Variants in SMG1 observed in about 807,000 individuals in gnomAD.
SMG1 encodes SMG1 nonsense mediated mRNA decay associated PI3K related kinase.
A neutral mutation model predicts 419.9 loss-of-function variants in SMG1; 22 were observed. That is an observed-to-expected ratio of 0.05 (90% CI 0.04 to 0.07). The LOEUF (loss-of-function observed/expected upper bound fraction) is 0.07. Ranked by LOEUF, SMG1 falls within the 10% of genes least tolerant of loss-of-function variation. The pLI, the probability that SMG1 is intolerant of heterozygous loss-of-function variation, is 1.00. For synonymous variants in SMG1, 1,538 were observed against 1,553.5 expected, an observed-to-expected ratio of 0.99 and a Z score of 0.23; for missense variants, 3,185 against 4,342.0, an observed-to-expected ratio of 0.73 and a Z score of 7.49.
At chr16:18,924,861 T>C (rs1484772001) in intron 1 of SMG1, 1 of 152,224 alleles carries the variant, frequency 6.6e-6, no homozygotes, top group Non-Finnish European at 1.5e-5. Context: ...TCTAACATCT[T>C]AGCAAATTAT....
intron 54 of SMG1, among the ~76,000 whole-genome samples, chr16:18,828,721 A>T (rs1350445501): frequency 6.6e-6 from 1 of 152,334 alleles, no homozygotes; most frequent in East Asian, 1.9e-4. Context: ...TATTTATGCC[A>T]GGCATGGTGG....
At chr16:18,874,843 G>T (rs1030395871) in intron 13 of SMG1, among the ~76,000 whole-genome samples, 1 of 106,294 alleles carries the variant, frequency 9.4e-6, no homozygotes, top group South Asian at 3.5e-4. Context: ...TCCAGCCCAG[G>T]CGACAACAGC....
At chr16:18,896,608 T>A (rs1206636157) in intron 2 of SMG1, among the ~76,000 whole-genome samples, 185 bp downstream of exon 2, 2 of 152,134 alleles carry the variant, frequency 1.3e-5, no homozygotes, top group Admixed American at 6.5e-5. Flanking sequence ...ATGGAAAAAA[T>A]TTTAAATTTT....
At chr16:18,843,646 T>C (rs1450791208) in intron 39 of SMG1, among the ~76,000 whole-genome samples, 1 of 152,078 alleles carries the variant, frequency 6.6e-6, no homozygotes, top group Non-Finnish European at 1.5e-5. Flanking sequence ...CAAAAATTGA[T>C]CAATTATTTT....
chr16:18,829,255 G>C lies in SMG1; in HGVS notation c.9603+31C>G. ...CCATTTTTCAAGTTTCCTACCTTGA[G>C]GAAAAACACATTATAAACAAAAACA... On this transcript the variant is annotated intron_variant, in intron 54 of 62. Transcript: ENST00000446231. The C allele has an allele frequency of 1.9e-6, 3 of 1,555,070 alleles. No homozygotes were observed. In the South Asian group the frequency reaches 3.5e-5, roughly 18 times the overall value.
chr16:18,817,246 T>C (rs777277926), intron 57 of SMG1, 45 bp downstream of exon 57: 15 of 1,515,024 alleles, frequency 9.9e-6, no homozygotes, highest in Admixed American at 2.1e-5. Flanking sequence ...TTTAATAGTA[T>C]AACACTAGCC....
At chr16:18,815,979 T>G in intron 58 of SMG1, 1 of 456,270 alleles carries the variant, frequency 2.2e-6, no homozygotes, top group East Asian at 4.2e-5. Context: ...TGTATGGGTT[T>G]GTTGGTATAG....
chr16:18,847,438 T>C lies in SMG1; in HGVS notation c.5996+15A>G, dbSNP rs2034330740. On this transcript the variant is annotated intron_variant, in intron 38 of 62. Coordinates refer to ENST00000446231, the MANE Select transcript of SMG1 (RefSeq NM_015092.5). ...GGCAGCTTCACTGTCTCAGGACAAG[T>C]GTATGGAAACATACTTGCGTAAGGT... 6.2e-7 allele frequency: 1 copy of C among 1,613,518 alleles called. No individual in the cohort carries two copies. The highest frequency in any genetic ancestry group is 8.5e-7 in the Non-Finnish European group (1 of 1,179,430).
intron 5 of SMG1, among the ~76,000 whole-genome samples, chr16:18,889,816 CA>C (rs1331514582): frequency 6.6e-6 from 1 of 152,144 alleles, no homozygotes; most frequent in Non-Finnish European, 1.5e-5. Context: ...CAATTATTTA[CA>C]AACAGTGAGG....
In SMG1 at chr16:18,820,025, G is replaced by A. The variant is rs181766898; in HGVS notation, c.9742-371C>T. On this transcript the variant is annotated intron_variant, in intron 55 of 62. Coordinates refer to ENST00000446231, the MANE Select transcript of SMG1 (RefSeq NM_015092.5). ...TGTCACCCAGGCTGGAGTTGCAGTGGTGCAATCTCAGCTCACTGCAACCTC... is the reference window on the plus strand; with the variant it reads ...TGTCACCCAGGCTGGAGTTGCAGTGATGCAATCTCAGCTCACTGCAACCTC... Among the ~76,000 whole-genome samples the A allele has an allele frequency of 3.3e-5, 5 of 152,186 alleles. No individual in the cohort carries two copies. In the East Asian group the frequency reaches 9.7e-4, roughly 29 times the overall value.
In SMG1 at chr16:18,885,656, G is replaced by A. The variant is rs2036579951; in HGVS notation, c.833C>T (p.Thr278Ile). Residue 278 changes from threonine (T) to isoleucine (I), a missense_variant, in exon 7 of 63, where the codon ACC (threonine) becomes ATC (isoleucine). Transcript: ENST00000446231. The part of the protein sequence containing the change: ...AFSSVMQLVM[T>I]SLQSILENVD... ...ATTTTCAAGAATAGACTGCAGGCTG[G>A]TCATTACAAGCTTAAAAATAAAAAG... 1.3e-6 allele frequency: 2 copies of A among 1,595,986 alleles called. No individual in the cohort carries two copies. Among genetic ancestry groups the A allele is most frequent in the East Asian group, 2.2e-5 (1 of 44,854 alleles).
chr16:18,810,835 A>G, intron 62 of SMG1, among the ~76,000 whole-genome samples: 1 of 152,172 alleles, frequency 6.6e-6, no homozygotes, highest in Non-Finnish European at 1.5e-5. Context: ...AAGTTTAGGC[A>G]TGAAGTGCTA....
At chr16:18,894,778 GA>G (rs2037042811) in intron 3 of SMG1, among the ~76,000 whole-genome samples, 1 of 151,146 alleles carries the variant, frequency 6.6e-6, no homozygotes, top group Non-Finnish European at 1.5e-5. Context: ...TCTCTTTAAG[GA>G]AAAAAATTAT....
intron 16 of SMG1, among the ~76,000 whole-genome samples, chr16:18,871,157 G>A (rs1478164833): frequency 2.6e-5 from 4 of 151,828 alleles, no homozygotes; most frequent in African/African-American, 4.8e-5. Context: ...AAACATTCAC[G>A]TAAGCTTAAA....
intron 39 of SMG1, 49 bp downstream of exon 39, chr16:18,845,380 G>GGAAT: frequency 6.7e-7 from 1 of 1,493,442 alleles, no homozygotes; most frequent in Non-Finnish European, 9.2e-7. Flanking sequence ...CGTATCTCAT[G>GGAAT]GGAACTGTGA....
intron 34 of SMG1, 48 bp downstream of exon 34, chr16:18,850,189 A>T (rs2034510500): frequency 6.3e-7 from 1 of 1,582,670 alleles, no homozygotes; most frequent in African/African-American, 1.4e-5. Flanking sequence ...TTTGTTTAAT[A>T]AGAAAAAGTT....
At position 18,815,538 on chromosome 16, in the gene SMG1, T is replaced by A. The variant is rs977510753; in HGVS notation, c.10416A>T (p.Thr3472=). The A allele has an allele frequency of 1.9e-6, 3 of 1,614,032 alleles. No individual in the cohort carries two copies. Among genetic ancestry groups the A allele is most frequent in the Admixed American group, 1.7e-5 (1 of 60,024 alleles). ...GAACCTGACCCATAGCCTGGACTAA[T>A]GTAAATAGAACTGTTTGAATGTTGT... ...WQDNIQTVLF[T]LVQAMGQVRS... The change falls in exon 59 of 63, where the codon ACA becomes ACT. Residue 3472 remains threonine, a synonymous_variant. Coordinates refer to ENST00000446231, the MANE Select transcript of SMG1 (RefSeq NM_015092.5).
chr16:18,841,160 G>T (rs143985603), intron 41 of SMG1, among the ~76,000 whole-genome samples: 309 of 152,270 alleles, frequency 2.0e-3, no homozygotes, highest in African/African-American at 6.9e-3. Flanking sequence ...AGCATTTTGG[G>T]AGGCTGAGGC....
At chr16:18,853,962 A>T in intron 30 of SMG1, 95 bp from the exon 31 acceptor site, 42 of 1,121,404 alleles carry the variant, frequency 3.7e-5, no homozygotes, top group Non-Finnish European at 5.3e-5. Flanking sequence ...CATGGTGATG[A>T]CACCACCATG....
Sources: gnomAD v4.1 joint callset for allele counts (sites outside exome capture counted in the v4.1 genomes callset) on GRCh38, gnomAD v4.1.1 for gene constraint, MANE v1.5 for transcripts, NCBI Gene and HGNC (gene_info 2026-07-23, HGNC 2026-07-21) for gene names.